The following ACLY variants were observed in gnomAD, a reference collection of about 807,000 sequenced individuals.
ACLY encodes the protein ATP-citrate synthase.
In ACLY, 41 loss-of-function variants were observed where a neutral mutation model predicts 133.0. The ratio of observed to expected loss-of-function variants is 0.31; its 90% confidence interval spans 0.24 to 0.40. The LOEUF (loss-of-function observed/expected upper bound fraction) is 0.40, where lower values mean the gene tolerates loss of function less well. Ranked by LOEUF, ACLY falls within the 10% of genes least tolerant of loss-of-function variation. ACLY has a pLI of 1.00. For missense variants in ACLY, 1,046 were observed against 1,453.8 expected (o/e 0.72, Z 4.56); for synonymous variants, 495 against 549.3 (o/e 0.90, Z 1.38).
At position 41,883,107 on chromosome 17, in the gene ACLY, C is replaced by G; in HGVS notation, c.2265+15G>C. 1 of 1,606,054 alleles carries G rather than the reference C, an allele frequency of 6.2e-7. No individual in the cohort carries two copies. Among genetic ancestry groups the G allele is most frequent in the Non-Finnish European group, 8.5e-7 (1 of 1,174,276 alleles). On this transcript the variant is annotated intron_variant, in intron 20 of 28. Coordinates refer to ENST00000352035, the MANE Select transcript of ACLY (RefSeq NM_001096.3). ...TCCCCACTCCCAGCCCAGAAGTGAC[C>G]CATCTCAGCCATACCTCAGAGGAGA...
At chr17:41,895,622 C>T (rs1224211401) in intron 14 of ACLY, among the ~76,000 whole-genome samples, 1 of 152,236 alleles carries the variant, frequency 6.6e-6, no homozygotes, top group East Asian at 1.9e-4. Flanking sequence ...CCCCCCTCCT[C>T]ATAACCCTCC....
At chr17:41,919,309 G>C (rs8075665), upstream of ACLY, among the ~76,000 whole-genome samples, 1 of 150,840 alleles carries the variant, frequency 6.6e-6, no homozygotes, top group African/African-American at 2.4e-5. Flanking sequence ...GGAGTTGGGG[G>C]AGGGGCGGGT....
chr17:41,897,715 T>G (rs781871071), intron 13 of ACLY, 34 bp downstream of exon 13: 4 of 1,591,794 alleles, frequency 2.5e-6, no homozygotes, highest in Non-Finnish European at 3.4e-6. Context: ...GCAAGGCCAC[T>G]CCCTGCAACA....
At chr17:41,887,189 A>C (rs1555628365) in intron 17 of ACLY, among the ~76,000 whole-genome samples, 2 of 149,956 alleles carry the variant, frequency 1.3e-5, no homozygotes, top group African/African-American at 4.9e-5. Context: ...CTGTAACTCC[A>C]GCACTTTGGG....
At chr17:41,900,124 G>C (rs1264800186) in intron 11 of ACLY, among the ~76,000 whole-genome samples, 1 of 144,224 alleles carries the variant, frequency 6.9e-6, no homozygotes, top group Non-Finnish European at 1.5e-5. Flanking sequence ...ACTTTGGGAG[G>C]CCGAGGCAGT....
At chr17:41,910,341 G>GCA in intron 3 of ACLY, 57 bp from the exon 4 acceptor site, 3 of 1,506,240 alleles carry the variant, frequency 2.0e-6, no homozygotes, top group Non-Finnish European at 1.8e-6. Flanking sequence ...TGCCCCTAGG[G>GCA]CAGAAGGAGG....
At chr17:41,895,252 G>A (rs781893082) in intron 14 of ACLY, among the ~76,000 whole-genome samples, 18 of 152,174 alleles carry the variant, frequency 1.2e-4, no homozygotes, top group Non-Finnish European at 2.4e-4. Flanking sequence ...CATCCTCAGG[G>A]GAAGCCTGCA....
chr17:41,907,987 G>C (rs2049775833), intron 6 of ACLY, among the ~76,000 whole-genome samples: 1 of 152,148 alleles, frequency 6.6e-6, no homozygotes, highest in Admixed American at 6.5e-5. Flanking sequence ...CCCAGGGTCT[G>C]GCTAGGGGAA....
At chr17:41,908,741 G>A (rs1433633139) in intron 6 of ACLY, among the ~76,000 whole-genome samples, 1 of 152,212 alleles carries the variant, frequency 6.6e-6, no homozygotes, top group East Asian at 1.9e-4. Flanking sequence ...TCCAGCCTGG[G>A]CGACAGGGCA....
intron 19 of ACLY, 141 bp downstream of exon 19, chr17:41,884,052 T>G (rs1349524865): frequency 2.0e-5 from 12 of 611,424 alleles, no homozygotes; most frequent in Admixed American, 5.5e-5. Context: ...GTGACAACCT[T>G]GAGGCCCCAG....
At chr17:41,901,585 AG>A (rs1450023377) in intron 11 of ACLY, 110 bp downstream of exon 11, 6 of 854,814 alleles carry the variant, frequency 7.0e-6, no homozygotes, top group Non-Finnish European at 1.1e-5. Flanking sequence ...ACACCCAGGA[AG>A]GGGAGTAGAG....
chr17:41,927,152 G>A (rs1418742768), intron 1 of ACLY, among the ~76,000 whole-genome samples: 1 of 152,220 alleles, frequency 6.6e-6, no homozygotes, highest in Non-Finnish European at 1.5e-5. Context: ...ACAGGCTTGA[G>A]CCACCATGTC....
At chr17:41,897,067 G>A (rs377481158) in intron 13 of ACLY, among the ~76,000 whole-genome samples, 16 of 152,312 alleles carry the variant, frequency 1.1e-4, no homozygotes, top group Non-Finnish European at 1.6e-4. Context: ...GGGTTGACCC[G>A]TGCCATGGAC....
At chr17:41,923,870 G>T (rs1270579081), upstream of ACLY, among the ~76,000 whole-genome samples, 3 of 152,070 alleles carry the variant, frequency 2.0e-5, no homozygotes, top group Admixed American at 6.6e-5. Flanking sequence ...GAGTGCAATG[G>T]TGTGATCTGG....
At chr17:41,879,685 A>G (rs1374305323) in intron 20 of ACLY, among the ~76,000 whole-genome samples, 4 of 127,248 alleles carry the variant, frequency 3.1e-5, no homozygotes, top group African/African-American at 5.9e-5. Flanking sequence ...AAAAAAAAAA[A>G]AAGAAGTGCT....
At chr17:41,921,575 C>T (rs892977031), upstream of ACLY, among the ~76,000 whole-genome samples, 3 of 152,072 alleles carry the variant, frequency 2.0e-5, no homozygotes, top group Admixed American at 6.6e-5. Context: ...AGGCTCAGGC[C>T]TGTAATCCCA....
chr17:41,879,032 A>C, intron 20 of ACLY, 108 bp from the exon 21 acceptor site: 60 of 1,393,150 alleles, frequency 4.3e-5, no homozygotes, highest in Non-Finnish European at 5.4e-5. Flanking sequence ...TTTAAGCCTC[A>C]AGCAAGCTCA....
intron 11 of ACLY, 67 bp downstream of exon 11, chr17:41,901,629 C>A: frequency 7.4e-7 from 1 of 1,343,490 alleles, no homozygotes; most frequent in South Asian, 1.2e-5. Flanking sequence ...GCTCAGGAAT[C>A]AGAAATCCCA....
intron 3 of ACLY, 137 bp downstream of exon 3, chr17:41,912,283 C>T (rs1179639618): frequency 8.6e-7 from 1 of 1,165,556 alleles, no homozygotes; most frequent in Non-Finnish European, 1.2e-6. Context: ...CTGAGTGGGT[C>T]AGCGCCACAG....
Sources: allele counts gnomAD v4.1 joint callset (sites outside exome capture counted in the v4.1 genomes callset), GRCh38; gene constraint gnomAD v4.1.1; transcripts MANE v1.5; gene names NCBI Gene and HGNC (gene_info 2026-07-23, HGNC 2026-07-21).